RAB23: variants seen among roughly 807,000 people sequenced by gnomAD.
RAB23 encodes RAB23, member RAS oncogene family.
A neutral mutation model predicts 30.0 loss-of-function variants in RAB23; 15 were observed. The observed-to-expected ratio is 0.50, with a 90% CI of 0.33 to 0.77. The LOEUF (loss-of-function observed/expected upper bound fraction) is 0.77. RAB23 is among the 30% of genes least tolerant of loss of function. The pLI, the probability that RAB23 is intolerant of heterozygous loss-of-function variation, is 0.02. For missense variants in RAB23, 243 were observed against 275.4 expected, an observed-to-expected ratio of 0.88 and a Z score of 0.83; for synonymous variants, 93 against 94.0, an observed-to-expected ratio of 0.99 and a Z score of 0.06.
At chr6:57,192,497 G>A (rs568075094) in intron 6 of RAB23, among the ~76,000 whole-genome samples, 1 of 152,316 alleles carries the variant, frequency 6.6e-6, no homozygotes, top group East Asian at 1.9e-4. Context: ...AAGTTTCAAA[G>A]GAAGGACAGA....
In RAB23 at chr6:57,193,841, C is replaced by G; in HGVS notation, c.574+1G>C. ...TGGGCTAAAATTTCCTATGTACTTA[C>G]CAATCTTGTTACTACTTGAATGCGT... On this transcript the variant is annotated splice_donor_variant, in intron 6 of 6. Transcript: ENST00000468148. LOFTEE classifies it high-confidence loss of function. The G allele has an allele frequency of 6.2e-7, 1 of 1,612,534 alleles. No individual in the cohort carries two copies. Among genetic ancestry groups the G allele is most frequent in the Non-Finnish European group, 8.5e-7 (1 of 1,179,148 alleles).
In RAB23 at chr6:57,190,030, G is replaced by GAAAGT. The variant is rs1764777980; in HGVS notation, c.*426_*430dup. Reference sequence around the variant, plus strand: ...GGTTTACCTTTCAGTATTATTTTGTGAAAGTATTCAGATTCAATACTATTT... The same window carrying GAAAGT: ...GGTTTACCTTTCAGTATTATTTTGTGAAAGTAAAGTATTCAGATTCAATACTATTT... On this transcript the variant is annotated 3_prime_UTR_variant, in exon 7 of 7. Transcript: ENST00000468148. 8 of 216,204 alleles carry GAAAGT rather than the reference G, an allele frequency of 3.7e-5. 1 individual carries two copies. The South Asian group carries it at 5.9e-4, about 16-fold the overall frequency. The allele number at this position is 216,204 out of a possible 1,614,324, so 13.4% of individuals were successfully genotyped here. A position where few individuals can be genotyped will look rare whatever the true frequency, so the allele number is the denominator to read the frequency against.
chr6:57,216,906 T>C (rs766188741), intron 1 of RAB23, among the ~76,000 whole-genome samples: 7 of 152,188 alleles, frequency 4.6e-5, no homozygotes, highest in Non-Finnish European at 7.3e-5. Context: ...AATTAGCATA[T>C]AATGAGCAGT....
intron 1 of RAB23, among the ~76,000 whole-genome samples, chr6:57,217,941 G>A (rs189642768): frequency 6.6e-6 from 1 of 151,846 alleles, no homozygotes; most frequent in South Asian, 2.1e-4. Context: ...AAAGGATAAC[G>A]TAACAACCCT....
At chr6:57,198,541 C>A (rs1322475379) in intron 3 of RAB23, among the ~76,000 whole-genome samples, 1 of 151,910 alleles carries the variant, frequency 6.6e-6, no homozygotes, top group Non-Finnish European at 1.5e-5. Flanking sequence ...ATCAGCCAGG[C>A]GTGGTGGCAC....
At chr6:57,206,773 A>G (rs1225973888) in intron 3 of RAB23, among the ~76,000 whole-genome samples, 1 of 152,246 alleles carries the variant, frequency 6.6e-6, no homozygotes, top group Non-Finnish European at 1.5e-5. Flanking sequence ...TTGTGTCTTT[A>G]GAAAACAAGT....
At position 57,221,960 on chromosome 6, in the gene RAB23, C is replaced by A. The variant is rs563784403; in HGVS notation, c.-300G>T. 260 of 152,644 alleles carry A rather than the reference C, an allele frequency of 1.7e-3. 2 individuals carry two copies. The highest frequency in any genetic ancestry group is 2.7e-3 in the Non-Finnish European group (184 of 68,332). 9.5% of individuals were successfully genotyped at this position (152,644 alleles called of 1,614,324 possible). ...TTCCCCAGTGGAGCCGGACGAACCC[C>A]CAGCCCCTGGAGAGGGCGAGTGAGT... is the stretch of plus-strand genomic sequence containing the variant. On this transcript the variant is annotated 5_prime_UTR_variant, in exon 1 of 7. Coordinates refer to ENST00000468148, the MANE Select transcript of RAB23 (RefSeq NM_016277.5).
At chr6:57,217,334 CAA>C (rs1171899143) in intron 1 of RAB23, among the ~76,000 whole-genome samples, 2 of 151,842 alleles carry the variant, frequency 1.3e-5, no homozygotes, top group Non-Finnish European at 2.9e-5. Flanking sequence ...ATTTTTGAGA[CAA>C]AGTCTCACTC....
chr6:57,217,424 T>A (rs1333289015), intron 1 of RAB23, among the ~76,000 whole-genome samples: 1 of 152,116 alleles, frequency 6.6e-6, no homozygotes, highest in Non-Finnish European at 1.5e-5. Flanking sequence ...CAATCCTGCC[T>A]CAGCCTCCCG....
chr6:57,187,338 C>T lies in RAB23; in HGVS notation c.*3123G>A, dbSNP rs544569465. 15 of 152,152 alleles carry T rather than the reference C, an allele frequency of 9.9e-5. No individual in the cohort carries two copies. The East Asian group carries it at 2.3e-3, about 23-fold the overall frequency. 9.4% of individuals were successfully genotyped at this position (152,152 alleles called of 1,614,324 possible). Reference sequence around the variant, plus strand: ...TGACTGGATATTTCAGAGTCTACTGCGGGTTTTAAATATTTTGTTAGCAAA... The same window carrying T: ...TGACTGGATATTTCAGAGTCTACTGTGGGTTTTAAATATTTTGTTAGCAAA... On this transcript the variant is annotated 3_prime_UTR_variant, in exon 7 of 7. Coordinates refer to ENST00000468148, the MANE Select transcript of RAB23 (RefSeq NM_016277.5).
rs773496585 is a variant in RAB23 at position 57,210,211 on chromosome 6, TG to T, written c.155+14del. 1.2e-6 allele frequency: 2 copies of T among 1,611,592 alleles called. No homozygotes were observed. The highest frequency in any genetic ancestry group is 2.7e-5 in the African/African-American group (2 of 74,982). On this transcript the variant is annotated intron_variant, in intron 2 of 6. Transcript: ENST00000468148. ...ACAAATCAAAGCCAAAGGAATAAAATGGCCAAGTACTTACTGAATTTGTCGC... is the reference window on the plus strand; with the variant it reads ...ACAAATCAAAGCCAAAGGAATAAAATGCCAAGTACTTACTGAATTTGTCGC...
chr6:57,216,070 G>C (rs1027994382), intron 1 of RAB23, among the ~76,000 whole-genome samples: 1 of 152,104 alleles, frequency 6.6e-6, no homozygotes, highest in African/African-American at 2.4e-5. Flanking sequence ...CCTTTTCTGT[G>C]TTTAAATATG....
At chr6:57,196,685 C>T (rs976640977) in intron 3 of RAB23, 79 bp from the exon 4 acceptor site, 75 of 1,543,226 alleles carry the variant, frequency 4.9e-5, no homozygotes, top group Non-Finnish European at 6.5e-5. Flanking sequence ...AAAACAATCT[C>T]ATGAAGAATG....
chr6:57,205,432 C>T lies in RAB23; in HGVS notation c.241+2196G>A, dbSNP rs185327157. Among the ~76,000 whole-genome samples the T allele has an allele frequency of 7.2e-5, 11 of 152,190 alleles. No homozygotes were observed. In the East Asian group the frequency reaches 1.5e-3, roughly 21 times the overall value. Reference sequence around the variant, plus strand: ...AATTCACTTGAGCCAACAGGTGCTACGCAATGGGGCTGGGGAGACAAAGAC... The same window carrying T: ...AATTCACTTGAGCCAACAGGTGCTATGCAATGGGGCTGGGGAGACAAAGAC... On this transcript the variant is annotated intron_variant, in intron 3 of 6. Coordinates refer to ENST00000468148, the MANE Select transcript of RAB23 (RefSeq NM_016277.5).
chr6:57,215,090 T>C (rs1288938517), intron 1 of RAB23, among the ~76,000 whole-genome samples: 1 of 152,170 alleles, frequency 6.6e-6, no homozygotes, highest in Non-Finnish European at 1.5e-5. Flanking sequence ...AGGAAAGAAT[T>C]AGTGAACTTG....
chr6:57,196,013 T>C (rs923250718), intron 4 of RAB23, among the ~76,000 whole-genome samples: 11 of 152,272 alleles, frequency 7.2e-5, no homozygotes, highest in Non-Finnish European at 1.3e-4. Context: ...GTTCACAAAT[T>C]TGAGCATAAG....
At chr6:57,216,851 G>C (rs1765860525) in intron 1 of RAB23, among the ~76,000 whole-genome samples, 1 of 152,136 alleles carries the variant, frequency 6.6e-6, no homozygotes, top group African/African-American at 2.4e-5. Flanking sequence ...TTTATAAATT[G>C]TCACGGTGCT....
chr6:57,214,941 A>C (rs1765781792), intron 1 of RAB23, among the ~76,000 whole-genome samples: 4 of 152,238 alleles, frequency 2.6e-5, no homozygotes, highest in Non-Finnish European at 1.5e-5. Context: ...GATATACTTA[A>C]ACGAATGTAA....
chr6:57,210,506 T>C lies in RAB23; in HGVS notation c.-65-61A>G. ...AAAAATGTACAAAATAAACTAATTG[T>C]TTTATCAAGAAATTATCACATTGCA... On this transcript the variant is annotated intron_variant, in intron 1 of 6. Transcript: ENST00000468148. 5.5e-6 allele frequency: 6 copies of C among 1,090,472 alleles called. No homozygotes were observed. The South Asian group carries it at 7.9e-5, about 14-fold the overall frequency. The allele number at this position is 1,090,472 out of a possible 1,614,324, so 67.5% of individuals were successfully genotyped here. A position where few individuals can be genotyped will look rare whatever the true frequency, so the allele number is the denominator to read the frequency against.
Sources: gnomAD v4.1 joint callset for allele counts (sites outside exome capture counted in the v4.1 genomes callset) on GRCh38, gnomAD v4.1.1 for gene constraint, MANE v1.5 for transcripts, NCBI Gene and HGNC (gene_info 2026-07-23, HGNC 2026-07-21) for gene names.